NKAIN2: variants seen among roughly 807,000 people sequenced by gnomAD.
NKAIN2 encodes the protein sodium/potassium transporting ATPase interacting 2.
Under a neutral mutation model 32.6 loss-of-function variants are expected in NKAIN2, and 14 were observed. That is an observed-to-expected ratio of 0.43 (90% CI 0.28 to 0.67). The LOEUF (loss-of-function observed/expected upper bound fraction) is 0.67, where lower values mean the gene tolerates loss of function less well. Among genes scored for constraint, NKAIN2 ranks in the 30% least tolerant of loss-of-function variants. The pLI, the probability that NKAIN2 is intolerant of heterozygous loss-of-function variation, is 0.17. For missense variants in NKAIN2, 198 were observed against 258.3 expected (o/e 0.77, Z 1.60); for synonymous variants, 80 against 87.2 (o/e 0.92, Z 0.46).
At chr6:124,265,823 A>G (rs11962169) in intron 1 of NKAIN2, among the ~76,000 whole-genome samples, 4,736 of 152,340 alleles carry the variant, frequency 0.031, 228 homozygotes, top group African/African-American at 0.1. Context: ...GTGATGTCAC[A>G]CCAGCAAAAC....
intron 1 of NKAIN2, among the ~76,000 whole-genome samples, chr6:123,971,170 G>A (rs1168520722): frequency 2.0e-5 from 3 of 151,998 alleles, no homozygotes; most frequent in Non-Finnish European, 4.4e-5. Context: ...AGCCCATGAA[G>A]CAAAATGTAG....
At chr6:123,823,699 T>A (rs2114894788) in intron 1 of NKAIN2, among the ~76,000 whole-genome samples, 1 of 152,090 alleles carries the variant, frequency 6.6e-6, no homozygotes, top group African/African-American at 2.4e-5. Context: ...GAAGAAGAAT[T>A]ATTGAAGAGA....
intron 2 of NKAIN2, among the ~76,000 whole-genome samples, chr6:124,350,599 A>G (rs896533004): frequency 6.6e-6 from 1 of 152,214 alleles, no homozygotes; most frequent in African/African-American, 2.4e-5. Flanking sequence ...ATGTTCATTA[A>G]AGGGGTTACA....
intron 3 of NKAIN2, among the ~76,000 whole-genome samples, chr6:124,458,972 C>T (rs1017584916): frequency 2.6e-5 from 4 of 151,762 alleles, no homozygotes; most frequent in Non-Finnish European, 5.9e-5. Context: ...ACCACTGACT[C>T]CAACTTCTGG....
intron 1 of NKAIN2, among the ~76,000 whole-genome samples, chr6:123,832,268 G>T (rs562144404): frequency 1.3e-5 from 2 of 152,078 alleles, no homozygotes; most frequent in African/African-American, 4.8e-5. Flanking sequence ...TTAATAATAC[G>T]CATTTAAAGT....
intron 2 of NKAIN2, among the ~76,000 whole-genome samples, chr6:124,305,951 T>A (rs566787939): frequency 5.3e-5 from 8 of 152,226 alleles, no homozygotes; most frequent in African/African-American, 1.9e-4. Context: ...TCTTTGGCCC[T>A]CTGTTTTATA....
At chr6:124,709,585 G>C (rs937991166) in intron 4 of NKAIN2, among the ~76,000 whole-genome samples, 6 of 149,776 alleles carry the variant, frequency 4.0e-5, no homozygotes, top group Non-Finnish European at 8.9e-5. Context: ...TATGTGTTGA[G>C]GAATTTATCC....
chr6:124,404,881 A>G (rs1185751893), intron 3 of NKAIN2, among the ~76,000 whole-genome samples: 1 of 152,172 alleles, frequency 6.6e-6, no homozygotes, highest in African/African-American at 2.4e-5. Flanking sequence ...TACTTAATAC[A>G]GAAATTATTA....
chr6:124,058,657 C>T (rs540709497), intron 1 of NKAIN2, among the ~76,000 whole-genome samples: 3 of 152,186 alleles, frequency 2.0e-5, no homozygotes, highest in African/African-American at 7.2e-5. Flanking sequence ...TGGAGAGCCA[C>T]ACTCAGTCAC....
chr6:124,771,134 T>C (rs553838541), intron 4 of NKAIN2, among the ~76,000 whole-genome samples: 60 of 152,280 alleles, frequency 3.9e-4, no homozygotes, highest in Admixed American at 3.6e-3. Flanking sequence ...AGAGCTAACA[T>C]AAATAGGTGT....
intron 2 of NKAIN2, among the ~76,000 whole-genome samples, chr6:124,323,050 T>A (rs570670499): frequency 8.5e-5 from 13 of 152,362 alleles, no homozygotes; most frequent in South Asian, 6.2e-4. Context: ...GTTTTTCATG[T>A]GCTTATTTGC....
intron 3 of NKAIN2, among the ~76,000 whole-genome samples, chr6:124,403,069 G>T (rs932455980): frequency 1.3e-5 from 2 of 151,568 alleles, no homozygotes; most frequent in Non-Finnish European, 3.0e-5. Flanking sequence ...TTTTGTATCA[G>T]AATTACGTTG....
At chr6:124,288,996 G>A (rs1389741355) in intron 2 of NKAIN2, among the ~76,000 whole-genome samples, 1 of 152,056 alleles carries the variant, frequency 6.6e-6, no homozygotes, top group Non-Finnish European at 1.5e-5. Context: ...AGCAAGAGAT[G>A]AAATTAATGT....
chr6:124,658,587 A>T, intron 4 of NKAIN2: 1 of 1,268,884 alleles, frequency 7.9e-7, no homozygotes, highest in Non-Finnish European at 1.1e-6. Context: ...TTCGACAATT[A>T]GTAAATACCC....
At chr6:124,604,745 C>T (rs764711300) in intron 3 of NKAIN2, among the ~76,000 whole-genome samples, 9 of 151,936 alleles carry the variant, frequency 5.9e-5, no homozygotes, top group Admixed American at 6.6e-5. Context: ...ATGAAATCCA[C>T]GCTCCCAGTT....
At chr6:124,658,811 T>C (rs1291168458) in intron 4 of NKAIN2, 6 of 234,102 alleles carry the variant, frequency 2.6e-5, no homozygotes, top group Admixed American at 2.1e-4. Context: ...CTTTTTCATT[T>C]GCCCTATCTC....
intron 1 of NKAIN2, among the ~76,000 whole-genome samples, chr6:124,123,284 A>G (rs561290683): frequency 2.0e-5 from 3 of 152,196 alleles, no homozygotes; most frequent in South Asian, 4.1e-4. Context: ...GGCTCCTGAA[A>G]GGAGGATGGA....
intron 3 of NKAIN2, among the ~76,000 whole-genome samples, chr6:124,430,971 A>G (rs1775193770): frequency 6.6e-6 from 1 of 152,202 alleles, no homozygotes; most frequent in Non-Finnish European, 1.5e-5. Context: ...AGAACTGCTC[A>G]TGTCTTGCTA....
intron 3 of NKAIN2, among the ~76,000 whole-genome samples, chr6:124,626,494 G>C (rs1043621858): frequency 1.5e-4 from 23 of 152,052 alleles, no homozygotes; most frequent in African/African-American, 5.1e-4. Flanking sequence ...TTCACACAGA[G>C]AGGTATGTAA....
Sources: gnomAD v4.1 joint callset for allele counts (sites outside exome capture counted in the v4.1 genomes callset) on GRCh38, gnomAD v4.1.1 for gene constraint, MANE v1.5 for transcripts, NCBI Gene and HGNC (gene_info 2026-07-23, HGNC 2026-07-21) for gene names.